SOX6: variants seen among roughly 807,000 people sequenced by gnomAD.
SOX6 encodes the protein SRY-box transcription factor 6.
SOX6 carries 11 observed loss-of-function variants against 97.8 expected under a neutral mutation model. That is an observed-to-expected ratio of 0.11 (90% CI 0.07 to 0.19). The LOEUF (loss-of-function observed/expected upper bound fraction) is 0.19. SOX6 is among the 10% of genes least tolerant of loss of function. The probability of loss-of-function intolerance (pLI) is 1.00; values close to 1 mark genes in which losing one functional copy is unlikely to be tolerated. For synonymous variants in SOX6, 360 were observed against 371.4 expected, an observed-to-expected ratio of 0.97 and a Z score of 0.35; for missense variants, 810 against 1,039.5, an observed-to-expected ratio of 0.78 and a Z score of 3.04.
intron 6 of SOX6, among the ~76,000 whole-genome samples, chr11:16,138,777 A>C: frequency 6.7e-6 from 1 of 148,366 alleles, no homozygotes; most frequent in Non-Finnish European, 1.5e-5. Context: ...TTCAATTCCC[A>C]CCTATGAGTG....
At chr11:16,313,933 C>A (rs182500707) in intron 3 of SOX6, 32 of 152,144 alleles carry the variant, frequency 2.1e-4, no homozygotes, top group African/African-American at 7.5e-4. Flanking sequence ...CCATATGCAT[C>A]CCCCTTCCTT....
chr11:16,253,175 C>T (rs1206685981), intron 3 of SOX6, among the ~76,000 whole-genome samples: 3 of 152,038 alleles, frequency 2.0e-5, no homozygotes, highest in African/African-American at 2.4e-5. Context: ...TGGAGAAAAC[C>T]TGTCTCTACT....
At chr11:16,604,746 A>C (rs891881890) in intron 4 of SOX6, among the ~76,000 whole-genome samples, 4 of 152,222 alleles carry the variant, frequency 2.6e-5, no homozygotes, top group Non-Finnish European at 5.9e-5. Context: ...ACTTATTTTT[A>C]GTCCCCAAAT....
At chr11:16,079,664 A>G (rs1848431029) in intron 9 of SOX6, among the ~76,000 whole-genome samples, 1 of 152,124 alleles carries the variant, frequency 6.6e-6, no homozygotes, top group Admixed American at 6.6e-5. Flanking sequence ...CAAGAAATAT[A>G]AAATATCGTC....
At chr11:16,292,001 C>A (rs868295412) in intron 3 of SOX6, among the ~76,000 whole-genome samples, 1 of 152,106 alleles carries the variant, frequency 6.6e-6, no homozygotes, top group Non-Finnish European at 1.5e-5. Context: ...GCTTAAACTA[C>A]AGATGTTTAA....
rs1796152392 is a variant in SOX6 at position 15,972,459 on chromosome 11, CA to C, written c.*349del. On this transcript the variant is annotated 3_prime_UTR_variant, in exon 16 of 16. Transcript: ENST00000683767. ...TGAGAATGTTTAACCCCATCTAAAA[CA>C]GTAACTTAAACCTTTATCAACATCC... The C allele has an allele frequency of 3.4e-6, 1 of 295,032 alleles. No individual in the cohort carries two copies. Among genetic ancestry groups the C allele is most frequent in the African/African-American group, 2.2e-5 (1 of 45,178 alleles). The allele number at this position is 295,032 out of a possible 1,614,324, so 18.3% of individuals were successfully genotyped here.
chr11:16,225,039 A>G (rs571937232), intron 4 of SOX6, among the ~76,000 whole-genome samples: 2 of 152,100 alleles, frequency 1.3e-5, no homozygotes, highest in Non-Finnish European at 2.9e-5. Context: ...GGCAAACATT[A>G]TTTCATTAAA....
chr11:16,710,084 G>A lies in SOX6; in HGVS notation n.429+4746C>T, dbSNP rs137940920. Among the ~76,000 whole-genome samples the A allele has an allele frequency of 6.0e-3, 906 of 152,154 alleles. 3 individuals are homozygous for A. Among genetic ancestry groups the A allele is most frequent in the Non-Finnish European group, 0.01 (685 of 67,990 alleles). ...TGAAAAGAGAGGGTATCTTGGATTG[G>A]TATAAAATGCATTATAATTTTTCCT... is the stretch of plus-strand genomic sequence containing the variant. On this transcript the variant is annotated intron_variant and non_coding_transcript_variant, in intron 3 of 5. Transcript: ENST00000524520.
chr11:16,497,930 A>C (rs1860633028), intron 4 of SOX6, among the ~76,000 whole-genome samples: 1 of 152,232 alleles, frequency 6.6e-6, no homozygotes, highest in South Asian at 2.1e-4. Context: ...CAATCTAGCA[A>C]GGCAGGCCAA....
intron 1 of SOX6, among the ~76,000 whole-genome samples, chr11:16,367,893 C>G (rs1423103289): frequency 6.6e-6 from 1 of 151,996 alleles, no homozygotes. Context: ...TAGGGAAAGT[C>G]TTCACTTATC....
At chr11:16,194,334 C>A (rs1851713821) in intron 4 of SOX6, among the ~76,000 whole-genome samples, 1 of 152,114 alleles carries the variant, frequency 6.6e-6, no homozygotes, top group Non-Finnish European at 1.5e-5. Flanking sequence ...TGACTTTTTT[C>A]AAAACAGCAG....
intron 1 of SOX6, among the ~76,000 whole-genome samples, chr11:16,467,781 C>A (rs1860069727): frequency 6.6e-6 from 1 of 151,584 alleles, no homozygotes; most frequent in Non-Finnish European, 1.5e-5. Flanking sequence ...TACCCCTGAA[C>A]TTAAAAGTTA....
intron 9 of SOX6, among the ~76,000 whole-genome samples, chr11:16,062,906 T>C (rs1273194564): frequency 6.6e-6 from 1 of 151,740 alleles, no homozygotes; most frequent in Non-Finnish European, 1.5e-5. Flanking sequence ...TTCCTTATTC[T>C]GCCAACGAGC....
Position 16,177,762 on chromosome 11 carries a change from A to G in SOX6, c.777+6124T>C, listed in dbSNP as rs1327422142. 2.0e-5 allele frequency among the ~76,000 whole-genome samples: 3 copies of G among 151,734 alleles called. No individual in the cohort carries two copies. The East Asian group carries it at 5.8e-4, about 30-fold the overall frequency. ...ATCAAGGAAAAAAAAAATAGAAGAG[A>G]GACATTTTCCTATTCAGTATTATGT... is the stretch of plus-strand genomic sequence containing the variant. On this transcript the variant is annotated intron_variant, in intron 6 of 15. Transcript: ENST00000683767.
intron 3 of SOX6, among the ~76,000 whole-genome samples, chr11:16,617,202 T>C (rs558131850): frequency 1.3e-5 from 2 of 151,976 alleles, no homozygotes; most frequent in African/African-American, 4.8e-5. Flanking sequence ...TTTGAACATA[T>C]TATGTTTAAA....
chr11:16,066,897 C>A (rs530413840), intron 9 of SOX6, among the ~76,000 whole-genome samples: 143 of 152,210 alleles, frequency 9.4e-4, no homozygotes, highest in South Asian at 9.1e-3. Flanking sequence ...ATCAGTTTGA[C>A]CTAGATGTGG....
intron 5 of SOX6, 148 bp downstream of exon 5, chr11:16,186,635 G>T: frequency 9.4e-7 from 1 of 1,064,918 alleles, no homozygotes; most frequent in Non-Finnish European, 1.3e-6. Context: ...TAGATTTCCA[G>T]AAGGCTTTGT....
intron 3 of SOX6, among the ~76,000 whole-genome samples, chr11:16,700,811 C>A (rs1848087007): frequency 6.6e-6 from 1 of 152,190 alleles, no homozygotes; most frequent in Non-Finnish European, 1.5e-5. Context: ...TATTGCTGGT[C>A]TCTGGGTGCA....
At chr11:16,114,498 G>A (rs368275062) in intron 6 of SOX6, among the ~76,000 whole-genome samples, 3 of 152,106 alleles carry the variant, frequency 2.0e-5, no homozygotes, top group Admixed American at 6.5e-5. Context: ...TGTTAGATCC[G>A]TGTTCCTTTC....
Sources: gnomAD v4.1 joint callset for allele counts (sites outside exome capture counted in the v4.1 genomes callset) on GRCh38, gnomAD v4.1.1 for gene constraint, MANE v1.5 for transcripts, NCBI Gene and HGNC (gene_info 2026-07-23, HGNC 2026-07-21) for gene names.